ADGRB2: variants seen among roughly 807,000 people sequenced by gnomAD.
ADGRB2 encodes the protein brain-specific angiogenesis inhibitor 2.
ADGRB2 carries 47 observed loss-of-function variants against 178.7 expected under a neutral mutation model. That is an observed-to-expected ratio of 0.26 (90% CI 0.21 to 0.34). ADGRB2 has a LOEUF of 0.34. ADGRB2 is among the 10% of genes least tolerant of loss of function. The probability of loss-of-function intolerance (pLI) is 1.00; values close to 1 mark genes in which losing one functional copy is unlikely to be tolerated. For synonymous variants in ADGRB2, 870 were observed against 912.4 expected (o/e 0.95, Z 0.84); for missense variants, 1,584 against 2,180.8 (o/e 0.73, Z 5.45).
In ADGRB2 at chr1:31,736,348, C is replaced by A. The variant is rs1210432001; in HGVS notation, c.3173G>T (p.Arg1058Leu). The A allele has an allele frequency of 6.2e-7, 1 of 1,614,082 alleles. No individual in the cohort carries two copies. Among genetic ancestry groups the A allele is most frequent in the South Asian group, 1.1e-5 (1 of 91,056 alleles). ...LVVAVSVGFTRTKGYGTSSYC... is the reference protein window; with the variant it reads ...LVVAVSVGFTLTKGYGTSSYC... ...GCTGGATGTACCGTATCCTTTCGTT[C>A]GGGTAAAGCCAACAGACACGGCCAC... Residue 1058 changes from arginine (R) to leucine (L), a missense_variant, in exon 22 of 33, where the codon CGA becomes CTA. By Grantham distance (102) the Arg-to-Leu change is moderately radical (BLOSUM62 -2). This residue lies in a region of ADGRB2 where 865 missense variants were observed against 1,192.8 expected (regional missense o/e 0.73). Transcript: ENST00000373658.
Position 31,740,211 on chromosome 1 carries a change from T to C in ADGRB2, c.1990-33A>G, listed in dbSNP as rs1645861027. 7 of 1,613,174 alleles carry C rather than the reference T, an allele frequency of 4.3e-6. No homozygotes were observed. Among genetic ancestry groups the C allele is most frequent in the Non-Finnish European group, 5.9e-6 (7 of 1,179,534 alleles). On this transcript the variant is annotated intron_variant, in intron 12 of 32. Coordinates refer to ENST00000373658, the MANE Select transcript of ADGRB2 (RefSeq NM_001364857.2). The surrounding 1 kb of genome is among the most constrained non-coding windows in gnomAD (Gnocchi z 5.9). ...GAGAGCAATGAGTGGCAGGGGGTCC[T>C]AGCCCCAGGGAACAGGGGGCTTCCC... is the stretch of plus-strand genomic sequence containing the variant.
At position 31,737,519 on chromosome 1, in the gene ADGRB2, A is replaced by G. The variant is rs1279036301; in HGVS notation, c.2889T>C (p.Ser963=). Residue 963 remains serine, a synonymous_variant, in exon 20 of 33, where the codon TCT becomes TCC. Coordinates refer to ENST00000373658, the MANE Select transcript of ADGRB2 (RefSeq NM_001364857.2). ...AGTTCAGCAAGATGATGGAGCGTTC[A>G]GATTTTATGAACCTGCCGGGGCACA... The part of the protein sequence containing the change: ...IYAAFWRFIK[S]ERSIILLNFC... 6.2e-7 allele frequency: 1 copy of G among 1,614,016 alleles called. No individual in the cohort carries two copies. Among genetic ancestry groups the G allele is most frequent in the African/African-American group, 1.3e-5 (1 of 74,902 alleles).
Position 31,742,915 on chromosome 1 carries a change from A to G in ADGRB2, c.1175T>C (p.Val392Ala). Residue 392 changes from valine to alanine, a missense_variant, in exon 7 of 33, where the codon GTG becomes GCG. By Grantham distance (64) the Val-to-Ala change is moderately conservative. This residue lies in a region of ADGRB2 where 657 missense variants were observed against 847.6 expected (regional missense o/e 0.78). Transcript: ENST00000373658. ...GGCCTTGCCGCCGTGCTGGGGGGGC[A>G]CGCAGGTCCGCATCCGGCTCCGGGA... is the stretch of plus-strand genomic sequence containing the variant. ...RGSRSRMRTCVPPQHGGKACE... is the reference protein window; with the variant it reads ...RGSRSRMRTCAPPQHGGKACE... 6.5e-7 allele frequency: 1 copy of G among 1,542,520 alleles called. No homozygotes were observed. The highest frequency in any genetic ancestry group is 2.5e-5 in the East Asian group (1 of 40,362).
In ADGRB2 at chr1:31,736,780, G is replaced by A. The variant is rs895878463; in HGVS notation, c.2980-57C>T. ...CTGAGCAGCCGCCAGGGCAGGAGGC[G>A]CCGGGCTTCCCACGCCCGCTGCTGG... On this transcript the variant is annotated intron_variant, in intron 20 of 32. Coordinates refer to ENST00000373658, the MANE Select transcript of ADGRB2 (RefSeq NM_001364857.2). The A allele has an allele frequency of 5.8e-5, 91 of 1,568,260 alleles. 2 individuals are homozygous for A. The highest frequency in any genetic ancestry group is 5.7e-4 in the Middle Eastern group (3 of 5,252).
chr1:31,741,915 C>T lies in ADGRB2; in HGVS notation c.1470G>A (p.Thr490=), dbSNP rs750634124. 2.4e-5 allele frequency: 39 copies of T among 1,609,286 alleles called. No homozygotes were observed. Among genetic ancestry groups the T allele is most frequent in the Admixed American group, 1.7e-4 (10 of 59,782 alleles). The change falls in exon 9 of 33, where the codon ACG becomes ACA. Residue 490 remains threonine, a synonymous_variant. Transcript: ENST00000373658. This position sits in a 1 kb window ranked among gnomAD's most constrained non-coding sequence, Gnocchi z 6.5. Reference sequence around the variant, plus strand: ...AGCGGCGCTGCCAGCCTGTGTCACACGTCTTAGAGCACAGGCTCCACGCAT... The same window carrying T: ...AGCGGCGCTGCCAGCCTGTGTCACATGTCTTAGAGCACAGGCTCCACGCAT... ...PWNAWSLCSK[T]CDTGWQRRFR...
Position 31,744,383 on chromosome 1 carries a change from G to A in ADGRB2, c.923-26C>T. ...CTACGAGAGAGGGACAGCGTCGGCG[G>A]CAGGGGGCACCTCCCAAGCACTCAG... is the stretch of plus-strand genomic sequence containing the variant. On this transcript the variant is annotated intron_variant, in intron 5 of 32. Coordinates refer to ENST00000373658, the MANE Select transcript of ADGRB2 (RefSeq NM_001364857.2). The surrounding 1 kb of genome is among the most constrained non-coding windows in gnomAD (Gnocchi z 6.7). 6.5e-7 allele frequency: 1 copy of A among 1,546,694 alleles called. No homozygotes were observed. Among genetic ancestry groups the A allele is most frequent in the Non-Finnish European group, 8.7e-7 (1 of 1,146,148 alleles).
rs1312889865 is a variant in ADGRB2, at chr1:31,738,054, G to A, written c.2772+146C>T. ...CATTGCTGTGAGCACAATCCCAGGG[G>A]CACAGACATCCACGTACAATCCCAC... On this transcript the variant is annotated intron_variant, in intron 18 of 32. Transcript: ENST00000373658. 10 of 1,262,152 alleles carry A rather than the reference G, an allele frequency of 7.9e-6. No individual in the cohort carries two copies. In the East Asian group the frequency reaches 1.8e-4, roughly 23 times the overall value. 78.2% of individuals were successfully genotyped at this position (1,262,152 alleles called of 1,614,324 possible).
In ADGRB2 at chr1:31,728,415, C is replaced by T. The variant is rs1645107516; in HGVS notation, c.4417-135G>A. 1 of 1,320,038 alleles carries T rather than the reference C, an allele frequency of 7.6e-7. No homozygotes were observed. Among genetic ancestry groups the T allele is most frequent in the Non-Finnish European group, 1.1e-6 (1 of 926,734 alleles). 81.8% of individuals were successfully genotyped at this position (1,320,038 alleles called of 1,614,324 possible). ...CCTCTGGGACAAGACCTAGTTCTCT[C>T]TTCACGTTGGTGCTATGGGCTTGGG... On this transcript the variant is annotated intron_variant, in intron 30 of 32. Coordinates refer to ENST00000373658, the MANE Select transcript of ADGRB2 (RefSeq NM_001364857.2). This position sits in a 1 kb window ranked among gnomAD's most constrained non-coding sequence, Gnocchi z 6.7.
chr1:31,752,468 A>T (rs1646624733), intron 4 of ADGRB2, among the ~76,000 whole-genome samples: 2 of 152,166 alleles, frequency 1.3e-5, no homozygotes, highest in Non-Finnish European at 2.9e-5. Flanking sequence ...TCCTGCTGCC[A>T]GACCAGGATG....
chr1:31,730,014 C>A (rs994677946), intron 29 of ADGRB2, among the ~76,000 whole-genome samples: 1 of 152,338 alleles, frequency 6.6e-6, no homozygotes, highest in East Asian at 1.9e-4. Context: ...GCAGGAACAG[C>A]CAATTGTGGC....
intron 4 of ADGRB2, among the ~76,000 whole-genome samples, chr1:31,746,537 C>G (rs1017237084): frequency 2.0e-5 from 3 of 152,162 alleles, no homozygotes; most frequent in Non-Finnish European, 4.4e-5. Context: ...GCTTCAGGGG[C>G]TCCACATCCG....
rs1313978204 is a variant in ADGRB2, at chr1:31,744,382, G to A, written c.923-25C>T. The A allele has an allele frequency of 2.5e-5, 39 of 1,546,690 alleles. No individual in the cohort carries two copies. Among genetic ancestry groups the A allele is most frequent in the Admixed American group, 8.0e-5 (4 of 50,004 alleles). On this transcript the variant is annotated intron_variant, in intron 5 of 32. Transcript: ENST00000373658. This position sits in a 1 kb window ranked among gnomAD's most constrained non-coding sequence, Gnocchi z 6.7. ...CCTACGAGAGAGGGACAGCGTCGGC[G>A]GCAGGGGGCACCTCCCAAGCACTCA... is the stretch of plus-strand genomic sequence containing the variant.
At chr1:31,737,981 A>G (rs1363650175) in intron 18 of ADGRB2, among the ~76,000 whole-genome samples, 2 of 151,776 alleles carry the variant, frequency 1.3e-5, no homozygotes, top group African/African-American at 4.8e-5. Flanking sequence ...ACACATGTGC[A>G]CACACACACA....
At chr1:31,739,663 C>T (rs779202000) in intron 14 of ADGRB2, 28 bp from the exon 15 acceptor site, 1 of 1,549,662 alleles carries the variant, frequency 6.5e-7, no homozygotes, top group Non-Finnish European at 8.7e-7. Context: ...TGGACAGAGA[C>T]AGACAGAGGG....
At chr1:31,732,033 A>G in intron 28 of ADGRB2, 82 bp downstream of exon 28, 1 of 1,570,620 alleles carries the variant, frequency 6.4e-7, no homozygotes, top group Non-Finnish European at 8.7e-7. Context: ...GAACTCCATC[A>G]GGGCCTCCCA....
rs1452892260 is a variant in ADGRB2 at position 31,741,349 on chromosome 1, C to T, written c.1794+24G>A. On this transcript the variant is annotated intron_variant, in intron 11 of 32. Coordinates refer to ENST00000373658, the MANE Select transcript of ADGRB2 (RefSeq NM_001364857.2). The surrounding 1 kb of genome is among the most constrained non-coding windows in gnomAD (Gnocchi z 6.5). ...GAGTCTGAGACAGATTCTGCTGTGC[C>T]CCAGCCCAGCAGGGTGCACTCACTG... The T allele has an allele frequency of 6.4e-7, 1 of 1,572,894 alleles. No individual in the cohort carries two copies. The highest frequency in any genetic ancestry group is 8.7e-7 in the Non-Finnish European group (1 of 1,155,850).
intron 4 of ADGRB2, among the ~76,000 whole-genome samples, chr1:31,751,112 G>T (rs548694929): frequency 6.6e-6 from 1 of 152,142 alleles, no homozygotes; most frequent in South Asian, 2.1e-4. Context: ...CCCTGGCCCC[G>T]TCTCCCTCCA....
In ADGRB2 at chr1:31,735,730, C is replaced by G; in HGVS notation, c.3268-65G>C. ...CCAGGTGCCCTCCTGGCAGGGAAAT[C>G]CCCATGTGGGAGCTGGAGCGCAGGG... On this transcript the variant is annotated intron_variant, in intron 23 of 32. Transcript: ENST00000373658. This position sits in a 1 kb window ranked among gnomAD's most constrained non-coding sequence, Gnocchi z 6.0. 1 of 1,574,938 alleles carries G rather than the reference C, an allele frequency of 6.3e-7. No individual in the cohort carries two copies.
Position 31,741,341 on chromosome 1 carries a change from T to C in ADGRB2, c.1794+32A>G. 1 of 1,565,184 alleles carries C rather than the reference T, an allele frequency of 6.4e-7. No homozygotes were observed. Among genetic ancestry groups the C allele is most frequent in the Non-Finnish European group, 8.7e-7 (1 of 1,150,990 alleles). On this transcript the variant is annotated intron_variant, in intron 11 of 32. Transcript: ENST00000373658. This position sits in a 1 kb window ranked among gnomAD's most constrained non-coding sequence, Gnocchi z 6.5. ...CCCTAGCAGAGTCTGAGACAGATTCTGCTGTGCCCCAGCCCAGCAGGGTGC... is the reference window on the plus strand; with the variant it reads ...CCCTAGCAGAGTCTGAGACAGATTCCGCTGTGCCCCAGCCCAGCAGGGTGC...
Sources: gnomAD v4.1 joint callset for allele counts (sites outside exome capture counted in the v4.1 genomes callset) on GRCh38, gnomAD v4.1.1 for gene constraint, gnomAD v4.1.1 regional missense constraint, Gnocchi (gnomAD v3.1) non-coding constraint, MANE v1.5 for transcripts, NCBI Gene and HGNC (gene_info 2026-07-23, HGNC 2026-07-21) for gene names.